Variants in MAST4 observed in about 807,000 individuals in gnomAD.
MAST4 encodes microtubule associated serine/threonine kinase family member 4.
MAST4 carries 89 observed loss-of-function variants against 162.7 expected under a neutral mutation model. The observed-to-expected ratio is 0.55, with a 90% CI of 0.46 to 0.65. MAST4 has a LOEUF of 0.65. Among genes scored for constraint, MAST4 ranks in the 30% least tolerant of loss-of-function variants. The pLI, the probability that MAST4 is intolerant of heterozygous loss-of-function variation, is 0.00. For synonymous variants in MAST4, 1,479 were observed against 1,361.1 expected, an observed-to-expected ratio of 1.09 and a Z score of -1.91; for missense variants, 3,153 against 3,374.0, an observed-to-expected ratio of 0.93 and a Z score of 1.62.
intron 19 of MAST4, among the ~76,000 whole-genome samples, chr5:67,140,376 G>A (rs1197211623): frequency 2.6e-5 from 4 of 152,256 alleles, no homozygotes; most frequent in Non-Finnish European, 5.9e-5. Context: ...TACGGACATT[G>A]ATTAGGGATA....
Position 67,137,583 on chromosome 5 carries a change from C to T in MAST4, c.2494+919C>T, listed in dbSNP as rs563147798. Among the ~76,000 whole-genome samples, 4 of 152,098 alleles carry T rather than the reference C, an allele frequency of 2.6e-5. No individual in the cohort carries two copies. The South Asian group carries it at 8.3e-4, about 32-fold the overall frequency. On this transcript the variant is annotated intron_variant, in intron 19 of 28. Coordinates refer to ENST00000403625, the MANE Select transcript of MAST4 (RefSeq NM_001164664.2). The stretch of plus-strand genomic sequence containing the variant: ...TCCAAGACAAAAATTTGAAACAGTT[C>T]CAAATATTTATTGTATAGTATTCTC...
chr5:66,669,203 A>G (rs184368419), intron 1 of MAST4, among the ~76,000 whole-genome samples: 1 of 152,320 alleles, frequency 6.6e-6, no homozygotes, highest in African/African-American at 2.4e-5. Flanking sequence ...AAGAGATAGA[A>G]GGGTGATCTT....
chr5:66,969,675 A>T (rs1306969792), intron 4 of MAST4, among the ~76,000 whole-genome samples: 1 of 152,174 alleles, frequency 6.6e-6, no homozygotes, highest in Non-Finnish European at 1.5e-5. Flanking sequence ...ACTTGTTGCC[A>T]TGGTGAGGGG....
intron 5 of MAST4, among the ~76,000 whole-genome samples, chr5:67,076,859 G>A (rs543040041): frequency 8.9e-4 from 135 of 152,260 alleles, no homozygotes; most frequent in African/African-American, 3.2e-3. Flanking sequence ...CATCGCCACC[G>A]CCACAGACTA....
At chr5:66,730,774 T>A (rs1217719002) in intron 1 of MAST4, among the ~76,000 whole-genome samples, 1 of 151,906 alleles carries the variant, frequency 6.6e-6, no homozygotes, top group East Asian at 1.9e-4. Flanking sequence ...TGTGTGTGTG[T>A]GTGTTTCTGA....
At chr5:66,681,850 G>A (rs1305817482) in intron 1 of MAST4, among the ~76,000 whole-genome samples, 1 of 152,098 alleles carries the variant, frequency 6.6e-6, no homozygotes, top group Admixed American at 6.5e-5. Context: ...TTGTTTTTCT[G>A]CACATCTTTC....
chr5:66,649,205 T>A (rs1746055356), intron 1 of MAST4, among the ~76,000 whole-genome samples: 1 of 152,164 alleles, frequency 6.6e-6, no homozygotes, highest in Non-Finnish European at 1.5e-5. Flanking sequence ...TGTGTATAAA[T>A]CCTCTTATTT....
rs1388541408 is a variant in MAST4 at position 66,759,654 on chromosome 5, A to G, written c.364-55A>G. 1.4e-5 allele frequency: 23 copies of G among 1,592,608 alleles called. No homozygotes were observed. The Admixed American group carries it at 3.9e-4, about 27-fold the overall frequency. On this transcript the variant is annotated intron_variant, in intron 1 of 28. Coordinates refer to ENST00000403625, the MANE Select transcript of MAST4 (RefSeq NM_001164664.2). Reference sequence around the variant, plus strand: ...AAAAAGTGTGAATGATTGGTCTTTCATTCTAGGCTGTGTTGATGCCCTAGC... The same window carrying G: ...AAAAAGTGTGAATGATTGGTCTTTCGTTCTAGGCTGTGTTGATGCCCTAGC...
Position 66,992,453 on chromosome 5 carries a change from T to C in MAST4, c.675-61951T>C, listed in dbSNP as rs541440831. Among the ~76,000 whole-genome samples, 10 of 149,134 alleles carry C rather than the reference T, an allele frequency of 6.7e-5. No individual in the cohort carries two copies. In the East Asian group the frequency reaches 2.0e-3, roughly 29 times the overall value. Reference sequence around the variant, plus strand: ...AATTCTGATGGGTAGCATCATCTACTAAACTCAGACTTCCGAAGTCATGGG... The same window carrying C: ...AATTCTGATGGGTAGCATCATCTACCAAACTCAGACTTCCGAAGTCATGGG... On this transcript the variant is annotated intron_variant, in intron 4 of 28. Coordinates refer to ENST00000403625, the MANE Select transcript of MAST4 (RefSeq NM_001164664.2).
Position 67,166,964 on chromosome 5 carries a change from C to G in MAST4, c.7785C>G (p.Ile2595Met). The change falls in exon 29 of 29, where the codon ATC becomes ATG. Residue 2595 changes from isoleucine to methionine, a missense_variant. Ile to Met is a conservative substitution (Grantham distance 10, BLOSUM62 1). Coordinates refer to ENST00000403625, the MANE Select transcript of MAST4 (RefSeq NM_001164664.2). ...CAGCCCCAAACACTGACCGCCCCAT[C>G]TCTCTTTCTAATGAGAAGGACTTTG... ...PSPAPNTDRP[I>M]SLSNEKDFVV... 6.2e-7 allele frequency: 1 copy of G among 1,612,678 alleles called. No individual in the cohort carries two copies. Among genetic ancestry groups the G allele is most frequent in the East Asian group, 2.2e-5 (1 of 44,876 alleles).
intron 4 of MAST4, among the ~76,000 whole-genome samples, chr5:66,906,877 G>A (rs1482605416): frequency 1.3e-5 from 2 of 152,120 alleles, no homozygotes; most frequent in African/African-American, 4.8e-5. Context: ...AGATGAGATG[G>A]AAGATGAGAG....
intron 3 of MAST4, among the ~76,000 whole-genome samples, chr5:66,878,647 A>G (rs948948202): frequency 6.6e-6 from 1 of 152,194 alleles, no homozygotes; most frequent in African/African-American, 2.4e-5. Context: ...GAAGGCAACC[A>G]CTATACCTTC....
intron 4 of MAST4, among the ~76,000 whole-genome samples, chr5:67,044,398 C>G (rs1757124293): frequency 6.6e-6 from 1 of 152,162 alleles, no homozygotes; most frequent in East Asian, 1.9e-4. Flanking sequence ...ATAAATTGCA[C>G]TAAACAATTA....
chr5:67,118,736 A>G lies in MAST4; in HGVS notation c.1646A>G (p.Asp549Gly). ...DSGTAETPET[D>G]ESVSSSNASL... ...GGGACAGCAGAAACACCAGAAACAG[A>G]TGAATCAGTGAGTGTAAGTATATTT... Residue 549 changes from aspartate to glycine, a missense_variant, in exon 13 of 29, where the codon GAT becomes GGT. By Grantham distance (94) the Asp-to-Gly change is moderately conservative. Transcript: ENST00000403625. The G allele has an allele frequency of 1.3e-6, 2 of 1,565,360 alleles. No individual in the cohort carries two copies. The highest frequency in any genetic ancestry group is 1.7e-6 in the Non-Finnish European group (2 of 1,147,682).
chr5:66,877,574 G>A (rs150201192), intron 3 of MAST4, among the ~76,000 whole-genome samples: 1 of 152,332 alleles, frequency 6.6e-6, no homozygotes, highest in African/African-American at 2.4e-5. Flanking sequence ...GGAGACGAGA[G>A]GTAGAAATGC....
At chr5:66,668,432 C>A (rs763790749) in intron 1 of MAST4, among the ~76,000 whole-genome samples, 2 of 152,180 alleles carry the variant, frequency 1.3e-5, no homozygotes, top group Non-Finnish European at 2.9e-5. Context: ...TTTGAAAGAT[C>A]ACTTTTCTGC....
At chr5:66,963,926 A>G in intron 4 of MAST4, 1 of 737,706 alleles carries the variant, frequency 1.4e-6, no homozygotes, top group East Asian at 2.5e-5. Context: ...TTACTTGGTG[A>G]CTTACTTGAT....
intron 4 of MAST4, among the ~76,000 whole-genome samples, chr5:67,014,361 C>G (rs1753037761): frequency 6.6e-6 from 1 of 152,168 alleles, no homozygotes; most frequent in Admixed American, 6.5e-5. Context: ...TCTTTGATGT[C>G]AAATGGCCTT....
At chr5:66,830,859 T>C (rs1017823513) in intron 3 of MAST4, among the ~76,000 whole-genome samples, 1 of 152,206 alleles carries the variant, frequency 6.6e-6, no homozygotes, top group African/African-American at 2.4e-5. Flanking sequence ...TTTACAAATA[T>C]AGATAGCTAT....
Sources: gnomAD v4.1 joint callset for allele counts (sites outside exome capture counted in the v4.1 genomes callset) on GRCh38, gnomAD v4.1.1 for gene constraint, MANE v1.5 for transcripts, NCBI Gene and HGNC (gene_info 2026-07-23, HGNC 2026-07-21) for gene names.